The following FBXO34 variants were observed in gnomAD, a reference collection of about 807,000 sequenced individuals.
FBXO34 encodes the protein F-box protein 34, also known as F-box only protein 34.
FBXO34 carries 12 observed loss-of-function variants against 24.5 expected under a neutral mutation model. The ratio of observed to expected loss-of-function variants is 0.49; its 90% confidence interval spans 0.31 to 0.79. The LOEUF (loss-of-function observed/expected upper bound fraction) is 0.79, where lower values mean the gene tolerates loss of function less well. FBXO34 is among the 30% of genes least tolerant of loss of function. The pLI, the probability that FBXO34 is intolerant of heterozygous loss-of-function variation, is 0.04. For synonymous variants in FBXO34, 320 were observed against 311.9 expected (o/e 1.03, Z -0.27); for missense variants, 823 against 857.7 (o/e 0.96, Z 0.51).
chr14:55,351,469 C>T lies in FBXO34; in HGVS notation c.1079C>T (p.Pro360Leu), dbSNP rs1211339246. 1.2e-6 allele frequency: 2 copies of T among 1,614,064 alleles called. No homozygotes were observed. Among genetic ancestry groups the T allele is most frequent in the Non-Finnish European group, 1.7e-6 (2 of 1,180,038 alleles). The change falls in exon 2 of 2, where the codon CCT (proline) becomes CTT (leucine). Residue 360 changes from proline to leucine, a missense_variant. Coordinates refer to ENST00000313833, the MANE Select transcript of FBXO34 (RefSeq NM_017943.4). ...CCTTCAAGAGCTGATCGTTGTTCTC[C>T]TAAGGAGGACCAGGCCTGGGACGGT... ...CGPSRADRCSPKEDQAWDGAS... is the reference protein window; with the variant it reads ...CGPSRADRCSLKEDQAWDGAS...
chr14:55,424,259 A>C, the FBXO34 span: 1 of 1,583,992 alleles, frequency 6.3e-7, no homozygotes, highest in Admixed American at 1.7e-5. Flanking sequence ...CGTAACTGTT[A>C]AGATGTAAAA....
chr14:55,350,926 C>G lies in FBXO34; in HGVS notation c.536C>G (p.Pro179Arg). The G allele has an allele frequency of 6.2e-7, 1 of 1,613,996 alleles. No homozygotes were observed. The highest frequency in any genetic ancestry group is 8.5e-7 in the Non-Finnish European group (1 of 1,179,924). Residue 179 changes from proline to arginine, a missense_variant, in exon 2 of 2, where the codon CCT (proline) becomes CGT (arginine). Physicochemically the swap from Pro to Arg is moderately radical, Grantham distance 103. Coordinates refer to ENST00000313833, the MANE Select transcript of FBXO34 (RefSeq NM_017943.4). ...EVNSRCYQPE[P>R]FACGIEHCSV... ...AACAGCAGGTGCTACCAACCTGAGCCTTTTGCATGTGGCATTGAGCACTGT... is the reference window on the plus strand; with the variant it reads ...AACAGCAGGTGCTACCAACCTGAGCGTTTTGCATGTGGCATTGAGCACTGT...
the FBXO34 span, chr14:55,411,557 G>C: frequency 6.5e-7 from 1 of 1,548,412 alleles, no homozygotes; most frequent in Non-Finnish European, 8.8e-7. Context: ...CCTGGCTGGA[G>C]GACACACAGC....
the FBXO34 span, among the ~76,000 whole-genome samples, chr14:55,375,120 TCCTC>T: frequency 2.6e-5 from 4 of 152,206 alleles, no homozygotes; most frequent in Non-Finnish European, 4.4e-5. Flanking sequence ...TCAGCTCCAC[TCCTC>T]ATACGGTGTG....
the FBXO34 span, among the ~76,000 whole-genome samples, chr14:55,393,138 T>G: frequency 6.6e-6 from 1 of 152,100 alleles, no homozygotes; most frequent in Non-Finnish European, 1.5e-5. Flanking sequence ...TCCCAGCACT[T>G]TGGGAGGCCA....
chr14:55,433,660 G>A, the FBXO34 span: 19 of 1,613,958 alleles, frequency 1.2e-5, no homozygotes, highest in Non-Finnish European at 1.5e-5. Flanking sequence ...CATCTTCCCA[G>A]AGCTAAATAT....
intron 1 of FBXO34, among the ~76,000 whole-genome samples, chr14:55,307,464 T>G (rs1882591354): frequency 6.6e-6 from 1 of 152,238 alleles, no homozygotes; most frequent in Non-Finnish European, 1.5e-5. Context: ...CTTAAGCTGT[T>G]AAATTATTTT....
chr14:55,352,568 G>A lies in FBXO34; in HGVS notation c.*42G>A. 6.7e-7 allele frequency: 1 copy of A among 1,503,668 alleles called. No individual in the cohort carries two copies. The highest frequency in any genetic ancestry group is 9.0e-7 in the Non-Finnish European group (1 of 1,111,744). The allele number at this position is 1,503,668 out of a possible 1,614,324, so 93.1% of individuals were successfully genotyped here. A position where few individuals can be genotyped will look rare whatever the true frequency, so the allele number is the denominator to read the frequency against. On this transcript the variant is annotated 3_prime_UTR_variant, in exon 2 of 2. Coordinates refer to ENST00000313833, the MANE Select transcript of FBXO34 (RefSeq NM_017943.4). ...AACAAAAGGACCGGTTTCTAAAGCT[G>A]CAAAACACCTAGATACACCGTTCAA...
chr14:55,319,067 T>G (rs912343499), intron 1 of FBXO34, among the ~76,000 whole-genome samples: 2 of 152,196 alleles, frequency 1.3e-5, no homozygotes, highest in African/African-American at 2.4e-5. Flanking sequence ...GATATGAAGG[T>G]GGAAATTTAA....
downstream of FBXO34, among the ~76,000 whole-genome samples, chr14:55,363,348 A>G (rs1341264621): frequency 2.0e-5 from 3 of 150,376 alleles, no homozygotes; most frequent in African/African-American, 7.4e-5. Flanking sequence ...TCTTTTTTTC[A>G]GATAGAGTCT....
At chr14:55,388,282 T>C in the FBXO34 span, among the ~76,000 whole-genome samples, 1 of 152,222 alleles carries the variant, frequency 6.6e-6, no homozygotes, top group South Asian at 2.1e-4. Flanking sequence ...TATCCAGCCA[T>C]GATTCTGAGT....
At chr14:55,409,921 T>G in the FBXO34 span, among the ~76,000 whole-genome samples, 1 of 152,186 alleles carries the variant, frequency 6.6e-6, no homozygotes, top group African/African-American at 2.4e-5. Context: ...AGTTTATGTC[T>G]CTGGTAGATT....
chr14:55,283,324 G>A (rs1207761984), intron 1 of FBXO34, among the ~76,000 whole-genome samples: 2 of 151,968 alleles, frequency 1.3e-5, no homozygotes, highest in African/African-American at 4.8e-5. Flanking sequence ...TTTCACAGCC[G>A]ATTTATTACA....
chr14:55,436,491 G>T, the FBXO34 span: 1 of 1,302,284 alleles, frequency 7.7e-7, no homozygotes. Flanking sequence ...CCTGAAATTA[G>T]TTGTCATCGC....
At position 55,331,705 on chromosome 14, in the gene FBXO34, GTA is replaced by G. The variant is rs563184455; in HGVS notation, c.-10-18666_-10-18665del. On this transcript the variant is annotated intron_variant, in intron 1 of 1. Coordinates refer to ENST00000313833, the MANE Select transcript of FBXO34 (RefSeq NM_017943.4). The stretch of plus-strand genomic sequence containing the variant: ...TATATGTGTATATATATATATATAT[GTA>G]TATATATATGTATATATATATGTAT... 0.018 allele frequency among the ~76,000 whole-genome samples: 494 copies of G among 26,934 alleles called. 178 individuals carry two copies. In the African/African-American group the frequency reaches 0.2, roughly 11 times the overall value. The allele number at this position is 26,934 out of a possible 152,430, so 17.7% of individuals were successfully genotyped here.
At chr14:55,299,221 A>C (rs1015225426) in intron 1 of FBXO34, 2 of 887,510 alleles carry the variant, frequency 2.3e-6, no homozygotes, top group Admixed American at 3.4e-5. Context: ...AAACCTGCCA[A>C]GAAGAGGAAG....
At chr14:55,363,023 C>CTCTTTTT (rs58355682), downstream of FBXO34, among the ~76,000 whole-genome samples, 2 of 132,350 alleles carry the variant, frequency 1.5e-5, no homozygotes, top group African/African-American at 5.7e-5. Flanking sequence ...TTCTCTCTCT[C>CTCTTTTT]TTTTTTTTTT....
At chr14:55,349,251 A>C (rs1049764901) in intron 1 of FBXO34, among the ~76,000 whole-genome samples, 12 of 151,938 alleles carry the variant, frequency 7.9e-5, no homozygotes, top group African/African-American at 2.7e-4. Flanking sequence ...CCCAAGGTAA[A>C]ATCACCATGT....
At chr14:55,319,317 C>G (rs534602936) in intron 1 of FBXO34, among the ~76,000 whole-genome samples, 3 of 152,234 alleles carry the variant, frequency 2.0e-5, no homozygotes, top group East Asian at 3.9e-4. Flanking sequence ...TTAGGTGAAC[C>G]TTCTCTTTCA....
Sources: allele counts gnomAD v4.1 joint callset (sites outside exome capture counted in the v4.1 genomes callset), GRCh38; gene constraint gnomAD v4.1.1; transcripts MANE v1.5; gene names NCBI Gene and HGNC (gene_info 2026-07-23, HGNC 2026-07-21).